The following RBFOX1 variants were observed in gnomAD, a reference collection of about 807,000 sequenced individuals.
RBFOX1 encodes the protein RNA binding protein fox-1 homolog 1.
A neutral mutation model predicts 57.7 loss-of-function variants in RBFOX1; 8 were observed. The observed-to-expected ratio is 0.14, with a 90% CI of 0.08 to 0.25. RBFOX1 has a LOEUF of 0.25. Ranked by LOEUF, RBFOX1 falls within the 10% of genes least tolerant of loss-of-function variation. The pLI is 1.00. For synonymous variants in RBFOX1, 326 were observed against 222.4 expected, an observed-to-expected ratio of 1.47 and a Z score of -4.15; for missense variants, 611 against 548.5, an observed-to-expected ratio of 1.11 and a Z score of -1.14.
At chr16:6,790,741 C>G (rs1202546184) in intron 3 of RBFOX1, among the ~76,000 whole-genome samples, 1 of 152,110 alleles carries the variant, frequency 6.6e-6, no homozygotes, top group African/African-American at 2.4e-5. Flanking sequence ...TCTCCTGTGT[C>G]TCTAGACCCT....
intron 1 of RBFOX1, among the ~76,000 whole-genome samples, chr16:6,167,477 C>G (rs1224287399): frequency 6.6e-6 from 1 of 152,134 alleles, no homozygotes; most frequent in Non-Finnish European, 1.5e-5. Context: ...ATTTTTTCCA[C>G]TGTTTCATTT....
chr16:7,013,940 G>C (rs1381532003), intron 3 of RBFOX1, among the ~76,000 whole-genome samples: 2 of 152,122 alleles, frequency 1.3e-5, no homozygotes, highest in Non-Finnish European at 2.9e-5. Flanking sequence ...TTACAGATTT[G>C]AGCCACGGCG....
intron 2 of RBFOX1, among the ~76,000 whole-genome samples, chr16:6,543,932 A>G (rs1399136901): frequency 1.3e-5 from 2 of 152,202 alleles, no homozygotes; most frequent in East Asian, 3.9e-4. Flanking sequence ...GGGAATAAAA[A>G]GTATAAGGGC....
chr16:5,272,478 C>A (rs1326625444), intron 1 of RBFOX1, among the ~76,000 whole-genome samples: 1 of 152,188 alleles, frequency 6.6e-6, no homozygotes, highest in African/African-American at 2.4e-5. Flanking sequence ...TGAAGCCCTA[C>A]CTGAGATTTC....
chr16:7,078,863 CTTTTTTT>C (rs57410575), intron 4 of RBFOX1, among the ~76,000 whole-genome samples: 7 of 52,736 alleles, frequency 1.3e-4, no homozygotes, highest in Non-Finnish European at 1.9e-4. Flanking sequence ...ATATATATAC[CTTTTTTT>C]TTTTTTTTTT....
At chr16:6,620,096 A>G (rs746863237) in intron 2 of RBFOX1, among the ~76,000 whole-genome samples, 1 of 152,076 alleles carries the variant, frequency 6.6e-6, no homozygotes, top group African/African-American at 2.4e-5. Context: ...CATTTTCTTT[A>G]TCCAGTCTAT....
intron 5 of RBFOX1, among the ~76,000 whole-genome samples, chr16:7,532,494 A>T (rs904539135): frequency 6.6e-6 from 1 of 152,176 alleles, no homozygotes; most frequent in African/African-American, 2.4e-5. Context: ...ACCTAGGAAA[A>T]GGGAGGACGT....
intron 3 of RBFOX1, among the ~76,000 whole-genome samples, chr16:6,703,520 A>G (rs1007210858): frequency 9.9e-5 from 15 of 151,788 alleles, no homozygotes; most frequent in Admixed American, 3.3e-4. Flanking sequence ...AAGGCAGCCT[A>G]GGCAACATAC....
At chr16:6,290,871 G>A (rs114058407) in intron 1 of RBFOX1, among the ~76,000 whole-genome samples, 2,031 of 152,200 alleles carry the variant, frequency 0.013, 50 homozygotes, top group African/African-American at 0.046. Flanking sequence ...AAGAATTCAG[G>A]GTGAGTCTAT....
At chr16:7,561,525 A>G (rs2090370360) in intron 5 of RBFOX1, among the ~76,000 whole-genome samples, 1 of 152,228 alleles carries the variant, frequency 6.6e-6, no homozygotes. Flanking sequence ...ATTTGCAGAA[A>G]TTGTGCAGTT....
Position 5,813,701 on chromosome 16 carries a change from G to T in RBFOX1, c.319-53602G>T, listed in dbSNP as rs188802507. 7.9e-5 allele frequency among the ~76,000 whole-genome samples: 12 copies of T among 152,314 alleles called. No individual in the cohort carries two copies. In the East Asian group the frequency reaches 1.5e-3, roughly 20 times the overall value. On this transcript the variant is annotated intron_variant, in intron 3 of 19. Coordinates refer to the RBFOX1 transcript ENST00000641259. ...AATAGTTTATCTGTATCATAGAGTT[G>T]TTCTGAGGAGCTGATATATCATGCT...
At position 7,704,429 on chromosome 16, in the gene RBFOX1, G is replaced by A. The variant is rs149139499; in HGVS notation, c.996-4627G>A. On this transcript the variant is annotated intron_variant, in intron 14 of 15. Transcript: ENST00000550418. Reference sequence around the variant, plus strand: ...TAGAGTCCCCAGAAAGTTTTCTTCTGTCTTGAAGCATCCTGAATGTGTCTG... The same window carrying A: ...TAGAGTCCCCAGAAAGTTTTCTTCTATCTTGAAGCATCCTGAATGTGTCTG... Among the ~76,000 whole-genome samples the A allele has an allele frequency of 4.3e-3, 658 of 152,272 alleles. 2 individuals carry two copies. Among genetic ancestry groups the A allele is most frequent in the African/African-American group, 0.014 (597 of 41,536 alleles).
intron 1 of RBFOX1, among the ~76,000 whole-genome samples, chr16:6,028,236 G>C (rs1691856886): frequency 1.3e-5 from 2 of 152,146 alleles, no homozygotes; most frequent in African/African-American, 4.8e-5. Context: ...GGTTGCTGTT[G>C]ATTGCAAAGG....
intron 2 of RBFOX1, among the ~76,000 whole-genome samples, chr16:6,552,212 G>A (rs2097004269): frequency 6.6e-6 from 1 of 152,254 alleles, no homozygotes; most frequent in Non-Finnish European, 1.5e-5. Context: ...CCTCATTTAA[G>A]CTGAATTAGA....
intron 5 of RBFOX1, among the ~76,000 whole-genome samples, chr16:7,534,084 T>TC (rs2080866969): frequency 1.0e-5 from 1 of 99,970 alleles, no homozygotes; most frequent in Admixed American, 9.6e-5. Flanking sequence ...AACGTTTTTT[T>TC]TCTTTTTTTT....
intron 3 of RBFOX1, among the ~76,000 whole-genome samples, chr16:6,958,647 A>G (rs1046290113): frequency 3.9e-5 from 6 of 152,342 alleles, no homozygotes; most frequent in Non-Finnish European, 7.3e-5. Context: ...GCTATGCATA[A>G]CTAGAAATGG....
chr16:5,595,081 G>C (rs940618717), intron 2 of RBFOX1, among the ~76,000 whole-genome samples: 1 of 152,000 alleles, frequency 6.6e-6, no homozygotes, highest in South Asian at 2.1e-4. Flanking sequence ...GGGAGGTGGA[G>C]GTTGTGGTGA....
chr16:6,863,645 C>G (rs954061592), intron 3 of RBFOX1, among the ~76,000 whole-genome samples: 1 of 130,510 alleles, frequency 7.7e-6, no homozygotes, highest in Non-Finnish European at 1.6e-5. Flanking sequence ...CATCAAAATA[C>G]CAAGGTTCTG....
rs532101823 is a variant in RBFOX1 at position 6,340,528 on chromosome 16, G to A, written c.-64+23471G>A. Among the ~76,000 whole-genome samples, 6 of 152,260 alleles carry A rather than the reference G, an allele frequency of 3.9e-5. No individual in the cohort carries two copies. In the South Asian group the frequency reaches 6.2e-4, roughly 16 times the overall value. ...ATTTCTTGATGATATGCTAAACAAG[G>A]GGAGGATTATTTATGCCTTCCCTTT... On this transcript the variant is annotated intron_variant, in intron 2 of 15. Transcript: ENST00000550418.
Sources: gnomAD v4.1 joint callset for allele counts (sites outside exome capture counted in the v4.1 genomes callset) on GRCh38, gnomAD v4.1.1 for gene constraint, MANE v1.5 for transcripts, NCBI Gene and HGNC (gene_info 2026-07-23, HGNC 2026-07-21) for gene names.